Variants in SAR1A observed in about 807,000 individuals in gnomAD.
The protein encoded by SAR1A is small COPII coat GTPase SAR1A.
Under a neutral mutation model 22.6 loss-of-function variants are expected in SAR1A, and 6 were observed. The observed-to-expected ratio is 0.27, with a 90% CI of 0.15 to 0.52. The LOEUF (loss-of-function observed/expected upper bound fraction) is 0.52. Among genes scored for constraint, SAR1A ranks in the 20% least tolerant of loss-of-function variants. SAR1A has a pLI of 0.96. For missense variants in SAR1A, 145 were observed against 245.1 expected (o/e 0.59, Z 2.73); for synonymous variants, 70 against 82.2 (o/e 0.85, Z 0.80).
Position 70,161,103 on chromosome 10 carries a change from G to A in SAR1A, c.179-34C>T, listed in dbSNP as rs890040902. ...TTGTTTAAAAAGAAGAAAAAAACTTGTCAACTCAACAACCCCCAACTACTA... is the reference window on the plus strand; with the variant it reads ...TTGTTTAAAAAGAAGAAAAAAACTTATCAACTCAACAACCCCCAACTACTA... On this transcript the variant is annotated intron_variant, in intron 3 of 6. Coordinates refer to ENST00000373241, the MANE Select transcript of SAR1A (RefSeq NM_020150.5). The A allele has an allele frequency of 2.6e-6, 4 of 1,523,930 alleles. No individual in the cohort carries two copies. In the African/African-American group the frequency reaches 4.1e-5, roughly 16 times the overall value. 94.4% of individuals were successfully genotyped at this position (1,523,930 alleles called of 1,614,324 possible). A position where few individuals can be genotyped will look rare whatever the true frequency, so the allele number is the denominator to read the frequency against.
Position 70,161,868 on chromosome 10 carries a change from G to T in SAR1A, c.48C>A (p.Leu16=), listed in dbSNP as rs1201860946. The change falls in exon 2 of 7, where the codon CTC becomes CTA. Residue 16 remains leucine, a synonymous_variant. Coordinates refer to ENST00000373241, the MANE Select transcript of SAR1A (RefSeq NM_020150.5). ...AGGAAATGGCTTTACCTAGGAACTGGAGCACACTGCTGAAGCCATTGTAGA... is the reference window on the plus strand; with the variant it reads ...AGGAAATGGCTTTACCTAGGAACTGTAGCACACTGCTGAAGCCATTGTAGA... The part of the protein sequence containing the change: ...EWIYNGFSSV[L]QFLGLYKKSG... 8.1e-6 allele frequency: 13 copies of T among 1,613,258 alleles called. No homozygotes were observed. The East Asian group carries it at 1.3e-4, about 17-fold the overall frequency.
intron 3 of SAR1A, chr10:70,161,382 G>T: frequency 1.8e-6 from 1 of 565,596 alleles, no homozygotes; most frequent in Non-Finnish European, 3.1e-6. Flanking sequence ...CCACTTCTTA[G>T]AAGTAGGTAT....
chr10:70,155,477 A>G (rs1352598674), intron 5 of SAR1A, among the ~76,000 whole-genome samples: 2 of 152,262 alleles, frequency 1.3e-5, no homozygotes, highest in Admixed American at 6.5e-5. Flanking sequence ...CAAAATTAGA[A>G]TAAGAATGTC....
At position 70,149,724 on chromosome 10, in the gene SAR1A, T is replaced by C. The variant is rs1315905897; in HGVS notation, c.*2752A>G. On this transcript the variant is annotated 3_prime_UTR_variant, in exon 7 of 7. Transcript: ENST00000373241. ...ATGTACCACAATGCCCAGCTAATTT[T>C]TTTGTATTTTAGTAGTGATGGGGTT... The C allele has an allele frequency of 6.6e-6, 1 of 151,710 alleles. No homozygotes were observed. The highest frequency in any genetic ancestry group is 2.4e-5 in the African/African-American group (1 of 41,196). The allele number at this position is 151,710 out of a possible 1,614,324, so 9.4% of individuals were successfully genotyped here.
intron 1 of SAR1A, among the ~76,000 whole-genome samples, chr10:70,165,007 A>C (rs1309794282): frequency 6.6e-6 from 1 of 152,238 alleles, no homozygotes; most frequent in Non-Finnish European, 1.5e-5. Context: ...CTTTCATTTA[A>C]GAAATATATT....
Position 70,160,025 on chromosome 10 carries a change from T to C in SAR1A, c.244+979A>G, listed in dbSNP as rs572695999. Among the ~76,000 whole-genome samples, 8 of 152,346 alleles carry C rather than the reference T, an allele frequency of 5.3e-5. No individual in the cohort carries two copies. The South Asian group carries it at 1.7e-3, about 32-fold the overall frequency. On this transcript the variant is annotated intron_variant, in intron 4 of 6. Coordinates refer to ENST00000373241, the MANE Select transcript of SAR1A (RefSeq NM_020150.5). The stretch of plus-strand genomic sequence containing the variant: ...TCAGAGTAATCACACATAGTCACTG[T>C]ATTACTTTTGCAACTTTTGACAAGT...
At chr10:70,155,743 C>T (rs993527844) in intron 5 of SAR1A, among the ~76,000 whole-genome samples, 17 of 151,978 alleles carry the variant, frequency 1.1e-4, no homozygotes, top group African/African-American at 2.2e-4. Flanking sequence ...TAAAATTTGC[C>T]GACAAAGCGA....
chr10:70,152,389 C>T lies in SAR1A; in HGVS notation c.*87G>A, dbSNP rs1839336389. The T allele has an allele frequency of 8.9e-7, 1 of 1,120,610 alleles. No homozygotes were observed. Among genetic ancestry groups the T allele is most frequent in the African/African-American group, 1.5e-5 (1 of 65,088 alleles). 69.4% of individuals were successfully genotyped at this position (1,120,610 alleles called of 1,614,324 possible). A position where few individuals can be genotyped will look rare whatever the true frequency, so the allele number is the denominator to read the frequency against. On this transcript the variant is annotated 3_prime_UTR_variant, in exon 7 of 7. Transcript: ENST00000373241. ...ACGCCAGACATGGTTGGAGAGCTTT[C>T]CTTGTTCTATTAGAAAAGTTCATGA...
chr10:70,152,648 G>A (rs1314949339), intron 6 of SAR1A, 56 bp from the exon 7 acceptor site: 2 of 1,139,704 alleles, frequency 1.8e-6, no homozygotes, highest in Non-Finnish European at 2.7e-6. Flanking sequence ...GGAAAAGATT[G>A]AAAGGACGAT....
At chr10:70,169,833 A>C (rs569755996) in intron 1 of SAR1A, among the ~76,000 whole-genome samples, 2 of 152,322 alleles carry the variant, frequency 1.3e-5, no homozygotes, top group South Asian at 4.1e-4. Flanking sequence ...TCAAATGCAC[A>C]TAAGGAAATT....
intron 1 of SAR1A, among the ~76,000 whole-genome samples, chr10:70,163,463 T>C: frequency 6.6e-6 from 1 of 152,228 alleles, no homozygotes; most frequent in Non-Finnish European, 1.5e-5. Context: ...TGTTATGGGC[T>C]AATGCAAGGT....
chr10:70,161,951 A>G lies in SAR1A; in HGVS notation c.-16-20T>C. 9 of 1,516,372 alleles carry G rather than the reference A, an allele frequency of 5.9e-6. No homozygotes were observed. Among genetic ancestry groups the G allele is most frequent in the African/African-American group, 1.4e-5 (1 of 73,150 alleles). 93.9% of individuals were successfully genotyped at this position (1,516,372 alleles called of 1,614,324 possible). On this transcript the variant is annotated intron_variant, in intron 1 of 6. Coordinates refer to ENST00000373241, the MANE Select transcript of SAR1A (RefSeq NM_020150.5). ...TACTACCTGTATAAAATATGAAAGT[A>G]GCAAACATTAGCTTTCTGAATGACA...
At chr10:70,159,289 TTAAA>T (rs757224790) in intron 4 of SAR1A, among the ~76,000 whole-genome samples, 1 of 152,228 alleles carries the variant, frequency 6.6e-6, no homozygotes, top group Non-Finnish European at 1.5e-5. Context: ...GGCATAAATA[TTAAA>T]TAAATTAATT....
chr10:70,158,317 A>G (rs750682846), intron 4 of SAR1A, among the ~76,000 whole-genome samples: 1 of 152,142 alleles, frequency 6.6e-6, no homozygotes, highest in African/African-American at 2.4e-5. Flanking sequence ...TCAGGATACA[A>G]ATTACTTGTC....
intron 6 of SAR1A, among the ~76,000 whole-genome samples, chr10:70,152,800 T>C (rs1422900461): frequency 6.6e-6 from 1 of 152,226 alleles, no homozygotes; most frequent in Non-Finnish European, 1.5e-5. Flanking sequence ...TTCCCAGCCT[T>C]TCTCTCTCTG....
At chr10:70,169,325 G>C (rs1839594216) in intron 1 of SAR1A, among the ~76,000 whole-genome samples, 1 of 150,664 alleles carries the variant, frequency 6.6e-6, no homozygotes, top group Non-Finnish European at 1.5e-5. Flanking sequence ...ATGATCTTCC[G>C]AAGTTCTCTT....
chr10:70,157,603 C>A, intron 5 of SAR1A, 161 bp downstream of exon 5: 1 of 567,786 alleles, frequency 1.8e-6, no homozygotes, highest in African/African-American at 1.9e-5. Flanking sequence ...AAAGCAATGT[C>A]TTAGATTTAA....
chr10:70,165,767 G>A (rs1033215945), intron 1 of SAR1A, among the ~76,000 whole-genome samples: 1 of 152,178 alleles, frequency 6.6e-6, no homozygotes, highest in Non-Finnish European at 1.5e-5. Flanking sequence ...GCAGCAGCAG[G>A]GTTTAAGAGG....
At chr10:70,155,906 G>C (rs958833606) in intron 5 of SAR1A, among the ~76,000 whole-genome samples, 2 of 152,186 alleles carry the variant, frequency 1.3e-5, no homozygotes, top group Non-Finnish European at 2.9e-5. Context: ...CTATGCAAAA[G>C]ATTTATAGAT....
Sources: allele counts gnomAD v4.1 joint callset (sites outside exome capture counted in the v4.1 genomes callset), GRCh38; gene constraint gnomAD v4.1.1; transcripts MANE v1.5; gene names NCBI Gene and HGNC (gene_info 2026-07-23, HGNC 2026-07-21).